NUP210L: variants seen among roughly 807,000 people sequenced by gnomAD.
NUP210L encodes nucleoporin 210 like, also known as nuclear pore membrane glycoprotein 210-like.
In NUP210L, 74 loss-of-function variants were observed where a neutral mutation model predicts 208.5. The observed-to-expected ratio is 0.35, with a 90% confidence interval of 0.29 to 0.43. NUP210L has a LOEUF of 0.43. Ranked by LOEUF, NUP210L falls within the 20% of genes least tolerant of loss-of-function variation. The probability of loss-of-function intolerance (pLI) is 1.00; values close to 1 mark genes in which losing one functional copy is unlikely to be tolerated. For synonymous variants in NUP210L, 780 were observed against 816.9 expected (o/e 0.95, Z 0.77); for missense variants, 1,843 against 2,289.4 (o/e 0.81, Z 3.98).
intron 10 of NUP210L, among the ~76,000 whole-genome samples, chr1:154,119,247 A>C (rs546264638): frequency 2.4e-4 from 36 of 152,260 alleles, no homozygotes; most frequent in Middle Eastern, 3.4e-3. Flanking sequence ...ATACTTAAAA[A>C]CAAGCAGAAC....
chr1:154,049,900 C>T (rs1286684298), intron 25 of NUP210L, among the ~76,000 whole-genome samples: 5 of 152,228 alleles, frequency 3.3e-5, no homozygotes, highest in East Asian at 3.9e-4. Context: ...GCGTTTTCAT[C>T]GGAAAGTGTT....
intron 2 of NUP210L, among the ~76,000 whole-genome samples, chr1:154,148,087 C>T (rs1293403512): frequency 1.3e-5 from 2 of 150,102 alleles, no homozygotes; most frequent in South Asian, 2.1e-4. Context: ...GCCAACATGG[C>T]GAAACCCTGT....
chr1:154,031,831 C>T (rs1021956249), intron 27 of NUP210L, among the ~76,000 whole-genome samples: 5 of 151,836 alleles, frequency 3.3e-5, no homozygotes, highest in South Asian at 2.1e-4. Context: ...AAGTGTTTCT[C>T]CTGCCTCAGC....
chr1:154,094,869 G>T, intron 15 of NUP210L, 66 bp downstream of exon 15: 2 of 1,166,694 alleles, frequency 1.7e-6, no homozygotes, highest in South Asian at 1.3e-5. Flanking sequence ...GAAAAGGAAT[G>T]GCTGGAAGTA....
At chr1:154,039,647 A>G (rs1652754983) in intron 27 of NUP210L, among the ~76,000 whole-genome samples, 2 of 152,148 alleles carry the variant, frequency 1.3e-5, no homozygotes, top group African/African-American at 2.4e-5. Flanking sequence ...CTCTTGGCCT[A>G]TCAGATTCCC....
intron 16 of NUP210L, among the ~76,000 whole-genome samples, chr1:154,082,657 T>C (rs1000969868): frequency 1.3e-5 from 2 of 152,222 alleles, no homozygotes; most frequent in Non-Finnish European, 2.9e-5. Context: ...TGAGTCACTC[T>C]GCTTCCGTAA....
At chr1:154,060,070 C>A (rs1229949478) in intron 20 of NUP210L, among the ~76,000 whole-genome samples, 1 of 152,104 alleles carries the variant, frequency 6.6e-6, no homozygotes, top group Non-Finnish European at 1.5e-5. Flanking sequence ...AAAACCCTAT[C>A]TCTACTAAAA....
At chr1:154,076,939 A>G (rs1655067364) in intron 16 of NUP210L, among the ~76,000 whole-genome samples, 1 of 152,302 alleles carries the variant, frequency 6.6e-6, no homozygotes, top group South Asian at 2.1e-4. Context: ...ATCATAATCA[A>G]TCTGTCCAGA....
chr1:154,112,094 A>C (rs1170829360), intron 12 of NUP210L, among the ~76,000 whole-genome samples: 1 of 151,052 alleles, frequency 6.6e-6, no homozygotes, highest in African/African-American at 2.5e-5. Context: ...TGCCTGACTA[A>C]TTTTTTGTAT....
At chr1:154,002,373 C>T (rs1045730441) in intron 35 of NUP210L, among the ~76,000 whole-genome samples, 2 of 152,000 alleles carry the variant, frequency 1.3e-5, no homozygotes, top group Non-Finnish European at 1.5e-5. Flanking sequence ...AGCCACTGTG[C>T]CTGGCTAATT....
At chr1:153,992,977 T>G (rs755668319) in intron 39 of NUP210L, 38 bp downstream of exon 39, 23 of 1,608,766 alleles carry the variant, frequency 1.4e-5, no homozygotes, top group Middle Eastern at 1.6e-4. Context: ...AACGTGTGTA[T>G]CTGAGCTTTT....
chr1:154,056,421 A>AT (rs565199466), intron 23 of NUP210L, among the ~76,000 whole-genome samples: 2 of 151,310 alleles, frequency 1.3e-5, no homozygotes, highest in Non-Finnish European at 2.9e-5. Context: ...CAGTCAAATG[A>AT]TTTTTTTTCT....
intron 2 of NUP210L, among the ~76,000 whole-genome samples, chr1:154,148,238 G>A (rs894493363): frequency 6.6e-6 from 1 of 151,370 alleles, no homozygotes; most frequent in Non-Finnish European, 1.5e-5. Flanking sequence ...TTGCACTCCA[G>A]CCTGGGCGAC....
intron 15 of NUP210L, among the ~76,000 whole-genome samples, chr1:154,089,800 G>A (rs2148045583): frequency 6.6e-6 from 1 of 151,810 alleles, no homozygotes; most frequent in East Asian, 1.9e-4. Context: ...AAAACAACTG[G>A]AACATTAAAA....
exon 34 of NUP210L, chr1:154,012,329 G>A (rs1557912974): frequency 6.2e-7 from 1 of 1,613,662 alleles, no homozygotes; most frequent in Non-Finnish European, 8.5e-7. Context: ...AAGTCTTGAG[G>A]TCATAACTGA....
intron 3 of NUP210L, among the ~76,000 whole-genome samples, chr1:154,141,901 C>T (rs1328624501): frequency 6.6e-6 from 1 of 152,088 alleles, no homozygotes; most frequent in Non-Finnish European, 1.5e-5. Context: ...ATAGCTTGTA[C>T]CTGTAATCCC....
intron 15 of NUP210L, among the ~76,000 whole-genome samples, chr1:154,090,028 G>A (rs1000040094): frequency 1.3e-5 from 2 of 151,934 alleles, no homozygotes; most frequent in Non-Finnish European, 2.9e-5. Flanking sequence ...AGTGAGCCAT[G>A]TTCATGCCAT....
exon 1 of NUP210L, chr1:154,154,885 G>C (rs1338893982): frequency 2.5e-6 from 4 of 1,614,218 alleles, no homozygotes; most frequent in Admixed American, 1.7e-5. Context: ...AAAGGCACCC[G>C]GCCTGGCTCT....
intron 16 of NUP210L, among the ~76,000 whole-genome samples, chr1:154,088,626 C>G (rs1333018985): frequency 2.0e-5 from 3 of 152,112 alleles, no homozygotes; most frequent in African/African-American, 7.2e-5. Context: ...CCTGTAACAT[C>G]CCATACTGTT....
Sources: allele counts gnomAD v4.1 joint callset (sites outside exome capture counted in the v4.1 genomes callset), GRCh38; gene constraint gnomAD v4.1.1; transcripts MANE v1.5; gene names NCBI Gene and HGNC (gene_info 2026-07-23, HGNC 2026-07-21).